The following PREX2 variants were observed in gnomAD, a reference collection of about 807,000 sequenced individuals.
The protein encoded by PREX2 is phosphatidylinositol-3,4,5-trisphosphate dependent Rac exchange factor 2, also known as phosphatidylinositol 3,4,5-trisphosphate-dependent Rac exchanger 2 protein.
A neutral mutation model predicts 203.2 loss-of-function variants in PREX2; 107 were observed. The observed-to-expected ratio is 0.53, with a 90% confidence interval of 0.45 to 0.62. The LOEUF is 0.62. Ranked by LOEUF, PREX2 falls within the 20% of genes least tolerant of loss-of-function variation. PREX2 has a pLI of 0.00. For missense variants in PREX2, 1,777 were observed against 1,955.9 expected (o/e 0.91, Z 1.72); for synonymous variants, 672 against 663.6 (o/e 1.01, Z -0.19).
chr8:68,030,181 A>T (rs1325835997), intron 5 of PREX2, among the ~76,000 whole-genome samples: 1 of 152,144 alleles, frequency 6.6e-6, no homozygotes, highest in Non-Finnish European at 1.5e-5. Context: ...CTTCTGTTAG[A>T]ACAAAAGTCA....
At chr8:68,002,279 C>T (rs1004258182) in intron 1 of PREX2, among the ~76,000 whole-genome samples, 29 of 151,944 alleles carry the variant, frequency 1.9e-4, no homozygotes, top group African/African-American at 7.0e-4. Flanking sequence ...TCCTGAGTAG[C>T]TGGGATTATA....
chr8:68,126,340 A>G (rs1810886268), intron 30 of PREX2, among the ~76,000 whole-genome samples: 1 of 152,142 alleles, frequency 6.6e-6, no homozygotes, highest in African/African-American at 2.4e-5. Context: ...TTTCACACAT[A>G]TTCTCACTTA....
At chr8:68,122,327 C>T (rs921687704) in intron 30 of PREX2, among the ~76,000 whole-genome samples, 1 of 151,928 alleles carries the variant, frequency 6.6e-6, no homozygotes, top group Non-Finnish European at 1.5e-5. Context: ...TATTTGACAG[C>T]TGGTTTTCTT....
At chr8:68,099,462 A>G (rs1221482484) in intron 22 of PREX2, among the ~76,000 whole-genome samples, 2 of 152,188 alleles carry the variant, frequency 1.3e-5, no homozygotes, top group African/African-American at 4.8e-5. Flanking sequence ...CAAACAGACA[A>G]GTCAGATCAC....
chr8:68,146,250 CT>C lies in PREX2; in HGVS notation c.4130del (p.Leu1377ArgfsTer19). 1 of 1,611,904 alleles carries C rather than the reference CT, an allele frequency of 6.2e-7. No individual in the cohort carries two copies. Among genetic ancestry groups the C allele is most frequent in the Non-Finnish European group, 8.5e-7 (1 of 1,178,826 alleles). ...TYQAEGSRQA[L>X]KVYFYIDSYH... ...TCAAGCAGAAGGAAGTCGGCAAGCT[CT>C]GAAAGTTTACTTCTACATTGATAGT... On this transcript the variant is annotated frameshift_variant, in exon 34 of 40. Transcript: ENST00000288368. LOFTEE classifies it high-confidence loss of function.
At chr8:68,013,254 C>T (rs542903127) in intron 1 of PREX2, among the ~76,000 whole-genome samples, 2 of 152,250 alleles carry the variant, frequency 1.3e-5, no homozygotes, top group South Asian at 4.2e-4. Flanking sequence ...TTTGTCTTCC[C>T]CATCTCTACA....
At chr8:68,093,746 A>G in intron 21 of PREX2, 24 bp downstream of exon 21, 1 of 1,247,296 alleles carries the variant, frequency 8.0e-7, no homozygotes, top group Non-Finnish European at 1.2e-6. Context: ...TTTCTTCTTC[A>G]TGTGCTTATA....
intron 8 of PREX2, among the ~76,000 whole-genome samples, chr8:68,052,287 C>G (rs1254592595): frequency 6.6e-6 from 1 of 152,096 alleles, no homozygotes; most frequent in East Asian, 1.9e-4. Context: ...GGGATCTTTG[C>G]TTTGCAGGGA....
intron 1 of PREX2, among the ~76,000 whole-genome samples, chr8:67,972,943 G>T (rs1805966917): frequency 6.6e-6 from 1 of 152,066 alleles, no homozygotes; most frequent in Non-Finnish European, 1.5e-5. Context: ...TCCCTTAGAG[G>T]ACATGTAACT....
At chr8:68,075,856 G>A (rs1296714868) in intron 14 of PREX2, among the ~76,000 whole-genome samples, 1 of 152,130 alleles carries the variant, frequency 6.6e-6, no homozygotes, top group Non-Finnish European at 1.5e-5. Flanking sequence ...CATGAGGTAG[G>A]ACCCTTATTT....
In PREX2 at chr8:68,233,099, G is replaced by C. The variant is rs1171412310; in HGVS notation, c.*1721G>C. On this transcript the variant is annotated 3_prime_UTR_variant, in exon 40 of 40. Coordinates refer to ENST00000288368, the MANE Select transcript of PREX2 (RefSeq NM_024870.4). ...TGGCACAGAAGCTCTAGAGACTTTTGTGAGAAGTCCATATACAATGAAAAA... is the reference window on the plus strand; with the variant it reads ...TGGCACAGAAGCTCTAGAGACTTTTCTGAGAAGTCCATATACAATGAAAAA... The C allele has an allele frequency of 6.6e-6, 1 of 152,132 alleles. No homozygotes were observed. The highest frequency in any genetic ancestry group is 2.4e-5 in the African/African-American group (1 of 41,424). The allele number at this position is 152,132 out of a possible 1,614,324, so 9.4% of individuals were successfully genotyped here.
At chr8:68,054,033 C>G (rs903887969) in intron 9 of PREX2, among the ~76,000 whole-genome samples, 1 of 152,140 alleles carries the variant, frequency 6.6e-6, no homozygotes, top group Non-Finnish European at 1.5e-5. Context: ...TCTGGAGACC[C>G]AAGAATAAAA....
chr8:68,137,705 G>A (rs1375303695), intron 32 of PREX2, among the ~76,000 whole-genome samples: 2 of 152,150 alleles, frequency 1.3e-5, no homozygotes, highest in East Asian at 3.8e-4. Flanking sequence ...AAGGCCAGAA[G>A]CTAGTACCAG....
rs371234847 is a variant in PREX2 at position 68,222,626 on chromosome 8, C to T, written c.4708-1933C>T. 2.0e-4 allele frequency among the ~76,000 whole-genome samples: 30 copies of T among 149,974 alleles called. No homozygotes were observed. In the East Asian group the frequency reaches 5.9e-3, roughly 30 times the overall value. ...TGTAGACAAGATACACCAACAGAGG[C>T]TAAAATCAGTGAGTGAAAGTTTGAA... On this transcript the variant is annotated intron_variant, in intron 38 of 39. Coordinates refer to ENST00000288368, the MANE Select transcript of PREX2 (RefSeq NM_024870.4).
At chr8:68,155,746 G>T (rs1811530916) in intron 34 of PREX2, among the ~76,000 whole-genome samples, 1 of 152,112 alleles carries the variant, frequency 6.6e-6, no homozygotes, top group African/African-American at 2.4e-5. Flanking sequence ...CTTTCCACAG[G>T]AAATCTTGTA....
At chr8:68,116,066 C>T in intron 26 of PREX2, 134 bp downstream of exon 26, 1 of 704,036 alleles carries the variant, frequency 1.4e-6, no homozygotes, top group East Asian at 2.7e-5. Flanking sequence ...CCTGTTACTA[C>T]CGACCTCAGA....
At chr8:68,150,786 T>A (rs990084070) in intron 34 of PREX2, among the ~76,000 whole-genome samples, 15 of 152,200 alleles carry the variant, frequency 9.9e-5, no homozygotes, top group Admixed American at 1.3e-4. Context: ...CCCTAGCAAG[T>A]TACCACAAGC....
intron 37 of PREX2, among the ~76,000 whole-genome samples, chr8:68,196,130 A>C (rs1292797025): frequency 6.6e-6 from 1 of 152,028 alleles, no homozygotes; most frequent in East Asian, 1.9e-4. Context: ...AAGTCTCCTG[A>C]GGGACTTCCT....
chr8:68,232,415 T>TA lies in PREX2; in HGVS notation c.*1038dup, dbSNP rs1342543531. 2.0e-5 allele frequency: 3 copies of TA among 152,192 alleles called. No homozygotes were observed. The highest frequency in any genetic ancestry group is 7.2e-5 in the African/African-American group (3 of 41,446). The allele number at this position is 152,192 out of a possible 1,614,324, so 9.4% of individuals were successfully genotyped here. On this transcript the variant is annotated 3_prime_UTR_variant, in exon 40 of 40. Coordinates refer to ENST00000288368, the MANE Select transcript of PREX2 (RefSeq NM_024870.4). ...ATTTATGGATGCACAAGGTGTATTC[T>TA]ATCCTTATTCTAAAGTATATGTAAT...
Sources: gnomAD v4.1 joint callset for allele counts (sites outside exome capture counted in the v4.1 genomes callset) on GRCh38, gnomAD v4.1.1 for gene constraint, MANE v1.5 for transcripts, NCBI Gene and HGNC (gene_info 2026-07-23, HGNC 2026-07-21) for gene names.